SMYD3: variants seen among roughly 807,000 people sequenced by gnomAD.
SMYD3 encodes the protein histone-lysine N-methyltransferase SMYD3.
SMYD3 carries 36 observed loss-of-function variants against 57.7 expected under a neutral mutation model. The ratio of observed to expected loss-of-function variants is 0.62; its 90% CI spans 0.48 to 0.82. The LOEUF (loss-of-function observed/expected upper bound fraction) is 0.82. Among genes scored for constraint, SMYD3 ranks in the 40% least tolerant of loss-of-function variants. The pLI is 0.00. For missense variants in SMYD3, 515 were observed against 538.8 expected (o/e 0.96, Z 0.44); for synonymous variants, 211 against 195.0 (o/e 1.08, Z -0.68).
intron 5 of SMYD3, among the ~76,000 whole-genome samples, chr1:246,086,170 C>T (rs533250613): frequency 6.6e-5 from 10 of 152,086 alleles, no homozygotes; most frequent in Non-Finnish European, 1.3e-4. Flanking sequence ...ATTATATGGA[C>T]ACCCCACCAC....
At chr1:246,316,533 T>C (rs976080434) in intron 5 of SMYD3, among the ~76,000 whole-genome samples, 1 of 141,980 alleles carries the variant, frequency 7.0e-6, no homozygotes, top group Non-Finnish European at 1.5e-5. Flanking sequence ...CTAATTTTTG[T>C]TGTTTTGGTT....
At position 245,928,038 on chromosome 1, in the gene SMYD3, A is replaced by T; in HGVS notation, c.600-5T>A. 1 of 1,572,220 alleles carries T rather than the reference A, an allele frequency of 6.4e-7. No individual in the cohort carries two copies. The highest frequency in any genetic ancestry group is 2.3e-5 in the East Asian group (1 of 42,950). ...CTGTGATTGAGCAAAGAGATACTGG[A>T]AAAAAAAAGGGGGGAAGACTGTCAC... On this transcript the variant is annotated splice_region_variant and splice_polypyrimidine_tract_variant and intron_variant, in intron 6 of 11. Transcript: ENST00000490107.
chr1:245,785,330 A>G (rs761225905), intron 10 of SMYD3, among the ~76,000 whole-genome samples: 7 of 152,138 alleles, frequency 4.6e-5, no homozygotes, highest in Non-Finnish European at 7.4e-5. Flanking sequence ...ATCCTCCACT[A>G]AAGTAATTTC....
At chr1:245,804,142 T>C (rs1422935471) in intron 10 of SMYD3, among the ~76,000 whole-genome samples, 1 of 151,974 alleles carries the variant, frequency 6.6e-6, no homozygotes, top group Non-Finnish European at 1.5e-5. Flanking sequence ...TGAACTCCTG[T>C]CCTTGTGATC....
chr1:245,755,053 C>T (rs991418338), intron 11 of SMYD3, among the ~76,000 whole-genome samples: 2 of 152,124 alleles, frequency 1.3e-5, no homozygotes, highest in Non-Finnish European at 2.9e-5. Context: ...TCAATCAGTA[C>T]ATATTAATTG....
At chr1:246,007,771 C>T (rs2059202397) in intron 5 of SMYD3, among the ~76,000 whole-genome samples, 1 of 151,026 alleles carries the variant, frequency 6.6e-6, no homozygotes. Flanking sequence ...AAGCCGTGAT[C>T]ACACCACTGC....
At chr1:245,984,455 G>A (rs898227137) in intron 5 of SMYD3, among the ~76,000 whole-genome samples, 1 of 152,176 alleles carries the variant, frequency 6.6e-6, no homozygotes, top group African/African-American at 2.4e-5. Context: ...CTGTGCAAGG[G>A]CATGTGCACT....
At chr1:245,894,320 T>A (rs11582855) in intron 8 of SMYD3, among the ~76,000 whole-genome samples, 2 of 101,314 alleles carry the variant, frequency 2.0e-5, no homozygotes, top group African/African-American at 5.7e-5. Context: ...AAAATGAACC[T>A]ATCAGCACTC....
Position 246,507,143 on chromosome 1 carries a change from G to A in SMYD3, c.75C>T (p.Arg25=), listed in dbSNP as rs893601455. 5.0e-5 allele frequency: 77 copies of A among 1,533,812 alleles called. No homozygotes were observed. Among genetic ancestry groups the A allele is most frequent in the Non-Finnish European group, 6.1e-5 (69 of 1,140,396 alleles). Residue 25 remains arginine (R), a synonymous_variant, in exon 1 of 12, where the codon CGC becomes CGT. Coordinates refer to ENST00000490107, the MANE Select transcript of SMYD3 (RefSeq NM_001167740.2). ...GNGLRAVTPL[R]PGELLFRSDP... ...CCGAGCGGAAGAGTAGCTCTCCGGGGCGCAGCGGGGTCACGGCGCGCAGCC... is the reference window on the plus strand; with the variant it reads ...CCGAGCGGAAGAGTAGCTCTCCGGGACGCAGCGGGGTCACGGCGCGCAGCC...
chr1:246,118,060 C>T (rs143863820), intron 5 of SMYD3, among the ~76,000 whole-genome samples: 624 of 152,006 alleles, frequency 4.1e-3, no homozygotes, highest in South Asian at 0.026. Flanking sequence ...ATAGTGATTC[C>T]GAAAATGCTC....
At position 246,129,630 on chromosome 1, in the gene SMYD3, C is replaced by A. The variant is rs185125373; in HGVS notation, c.531+197571G>T. ...CACAGCTATTGTTTTGCCATTTAAT[C>A]AAACCTGAATAAAGAGCTTGTACAC... On this transcript the variant is annotated intron_variant, in intron 5 of 11. Coordinates refer to ENST00000490107, the MANE Select transcript of SMYD3 (RefSeq NM_001167740.2). 3.0e-4 allele frequency among the ~76,000 whole-genome samples: 45 copies of A among 152,286 alleles called. No homozygotes were observed. In the East Asian group the frequency reaches 7.5e-3, roughly 25 times the overall value.
At chr1:245,791,766 A>G (rs2047280873) in intron 10 of SMYD3, among the ~76,000 whole-genome samples, 1 of 152,090 alleles carries the variant, frequency 6.6e-6, no homozygotes, top group South Asian at 2.1e-4. Context: ...TGTGTTTGGA[A>G]GCCACTGAAA....
intron 10 of SMYD3, among the ~76,000 whole-genome samples, chr1:245,817,237 C>A (rs1210726022): frequency 1.4e-5 from 2 of 143,414 alleles, no homozygotes; most frequent in East Asian, 2.0e-4. Flanking sequence ...GGGTCCCTGA[C>A]CCCTGACCCC....
intron 5 of SMYD3, chr1:246,325,727 C>T (rs1393138722): frequency 6.6e-6 from 1 of 152,116 alleles, no homozygotes; most frequent in African/African-American, 2.4e-5. Flanking sequence ...ATATTAATAA[C>T]ATCAGTAATT....
intron 5 of SMYD3, among the ~76,000 whole-genome samples, chr1:246,002,265 A>G (rs1028248708): frequency 2.9e-5 from 4 of 136,422 alleles, no homozygotes; most frequent in Non-Finnish European, 4.9e-5. Flanking sequence ...GCTCACTGCA[A>G]GCTCCGCCTC....
chr1:246,484,036 A>G (rs1311823998), intron 1 of SMYD3, among the ~76,000 whole-genome samples: 1 of 135,716 alleles, frequency 7.4e-6, no homozygotes, highest in Non-Finnish European at 1.5e-5. Context: ...CACTAGTTAC[A>G]CCTAAAAACA....
chr1:246,057,333 G>A (rs147756377), intron 5 of SMYD3, among the ~76,000 whole-genome samples: 1 of 152,136 alleles, frequency 6.6e-6, no homozygotes, highest in African/African-American at 2.4e-5. Context: ...AACTGAAAAA[G>A]AAAAAGCTAC....
intron 5 of SMYD3, among the ~76,000 whole-genome samples, chr1:246,214,496 G>C (rs1261884067): frequency 6.6e-6 from 1 of 152,142 alleles, no homozygotes; most frequent in Non-Finnish European, 1.5e-5. Flanking sequence ...CATAGTATCA[G>C]CTCATTTATT....
intron 1 of SMYD3, among the ~76,000 whole-genome samples, chr1:246,449,056 A>C (rs547766347): frequency 6.6e-6 from 1 of 152,200 alleles, no homozygotes; most frequent in African/African-American, 2.4e-5. Context: ...AGTGAGACCC[A>C]GTGTCTACAA....
Sources: gnomAD v4.1 joint callset for allele counts (sites outside exome capture counted in the v4.1 genomes callset) on GRCh38, gnomAD v4.1.1 for gene constraint, MANE v1.5 for transcripts, NCBI Gene and HGNC (gene_info 2026-07-23, HGNC 2026-07-21) for gene names.